MACROD2: variants seen among roughly 807,000 people sequenced by gnomAD.
MACROD2 encodes the protein ADP-ribose glycohydrolase MACROD2.
Under a neutral mutation model 70.4 loss-of-function variants are expected in MACROD2, and 36 were observed. The observed-to-expected ratio is 0.51, with a 90% CI of 0.39 to 0.68. MACROD2 has a LOEUF of 0.68. Ranked by LOEUF, MACROD2 falls within the 30% of genes least tolerant of loss-of-function variation. The pLI, the probability that MACROD2 is intolerant of heterozygous loss-of-function variation, is 0.00. For synonymous variants in MACROD2, 172 were observed against 178.8 expected (o/e 0.96, Z 0.30); for missense variants, 496 against 538.4 (o/e 0.92, Z 0.78).
At chr20:14,417,239 A>G (rs1279599063) in intron 3 of MACROD2, among the ~76,000 whole-genome samples, 3 of 152,166 alleles carry the variant, frequency 2.0e-5, no homozygotes, top group African/African-American at 7.2e-5. Flanking sequence ...ATTGTTTTTG[A>G]GGAAATGTAC....
chr20:15,449,959 C>G (rs2046618619), intron 7 of MACROD2, among the ~76,000 whole-genome samples: 1 of 152,322 alleles, frequency 6.6e-6, no homozygotes, highest in South Asian at 2.1e-4. Context: ...TGCGCCACTG[C>G]ACTCCAACCT....
chr20:15,111,192 C>G (rs1419004035), intron 5 of MACROD2, among the ~76,000 whole-genome samples: 1 of 100,168 alleles, frequency 1.0e-5, no homozygotes, highest in Non-Finnish European at 1.9e-5. Context: ...TTTTTTTTTG[C>G]GACGGAGTCT....
intron 5 of MACROD2, among the ~76,000 whole-genome samples, chr20:15,072,996 T>C (rs1399687769): frequency 6.6e-6 from 1 of 152,162 alleles, no homozygotes; most frequent in East Asian, 1.9e-4. Context: ...TCATCTTCTC[T>C]TGCATACTCT....
intron 8 of MACROD2, among the ~76,000 whole-genome samples, chr20:15,531,235 T>TTA: frequency 6.6e-6 from 1 of 151,792 alleles, no homozygotes; most frequent in Non-Finnish European, 1.5e-5. Context: ...TAAATCCCAT[T>TTA]GTATTTTACT....
chr20:15,809,163 C>G (rs2063795415), intron 8 of MACROD2, among the ~76,000 whole-genome samples: 1 of 152,084 alleles, frequency 6.6e-6, no homozygotes. Flanking sequence ...CTTTTAAAAT[C>G]CCAAAGTAGA....
In MACROD2 at chr20:15,367,174, C is replaced by T. The variant is rs553770009; in HGVS notation, c.541-64231C>T. Reference sequence around the variant, plus strand: ...TCCTGGGTAGCTGGGACTACAAGCACGTGCCACCATGCCCGGCTAATTTTT... The same window carrying T: ...TCCTGGGTAGCTGGGACTACAAGCATGTGCCACCATGCCCGGCTAATTTTT... On this transcript the variant is annotated intron_variant, in intron 6 of 17. Coordinates refer to ENST00000684519, the MANE Select transcript of MACROD2 (RefSeq NM_001351661.2). 1.4e-4 allele frequency among the ~76,000 whole-genome samples: 21 copies of T among 151,806 alleles called. No homozygotes were observed. In the East Asian group the frequency reaches 2.7e-3, roughly 20 times the overall value.
intron 6 of MACROD2, among the ~76,000 whole-genome samples, chr20:15,263,433 C>T (rs998564995): frequency 7.2e-5 from 11 of 151,970 alleles, no homozygotes; most frequent in African/African-American, 2.2e-4. Context: ...GTTACTATAG[C>T]TCTGTAGCAT....
intron 5 of MACROD2, among the ~76,000 whole-genome samples, chr20:14,702,676 C>CAT (rs1446591154): frequency 5.8e-5 from 4 of 68,496 alleles, no homozygotes; most frequent in East Asian, 6.2e-4. Context: ...TATATATATA[C>CAT]ACATATATGT....
chr20:14,621,368 TACTC>T (rs1983815091), intron 4 of MACROD2, among the ~76,000 whole-genome samples: 1 of 151,984 alleles, frequency 6.6e-6, no homozygotes, highest in African/African-American at 2.4e-5. Context: ...CTGGAGAAAA[TACTC>T]AGTAGCTAGG....
Position 15,567,375 on chromosome 20 carries a change from C to T in MACROD2, c.645+67528C>T, listed in dbSNP as rs577772435. ...GTGTTTATGTCAGGCAAATGTGCTCCAGGAGGCTGGGATAAAGCCACGGAT... is the reference window on the plus strand; with the variant it reads ...GTGTTTATGTCAGGCAAATGTGCTCTAGGAGGCTGGGATAAAGCCACGGAT... On this transcript the variant is annotated intron_variant, in intron 8 of 17. Coordinates refer to ENST00000684519, the MANE Select transcript of MACROD2 (RefSeq NM_001351661.2). Among the ~76,000 whole-genome samples, 6 of 152,308 alleles carry T rather than the reference C, an allele frequency of 3.9e-5. No individual in the cohort carries two copies. In the South Asian group the frequency reaches 1.0e-3, roughly 26 times the overall value.
intron 3 of MACROD2, chr20:14,128,052 C>T: frequency 1.8e-6 from 1 of 562,634 alleles, no homozygotes; most frequent in South Asian, 1.4e-5. Flanking sequence ...ACTTTGTAAC[C>T]TGAAACCTAC....
rs531653990 is a variant in MACROD2 at position 14,736,707 on chromosome 20, A to T, written c.418+51748A>T. ...ATGACGACTCTCTGAAATAATCTTC[A>T]TATTTTTATTTTAATATGAGAAAAC... is the stretch of plus-strand genomic sequence containing the variant. On this transcript the variant is annotated intron_variant, in intron 5 of 17. Transcript: ENST00000684519. Among the ~76,000 whole-genome samples the T allele has an allele frequency of 4.6e-5, 7 of 152,242 alleles. No individual in the cohort carries two copies. The East Asian group carries it at 1.2e-3, about 25-fold the overall frequency.
At chr20:15,840,873 C>A (rs1444651393) in intron 8 of MACROD2, among the ~76,000 whole-genome samples, 1 of 152,132 alleles carries the variant, frequency 6.6e-6, no homozygotes, top group East Asian at 1.9e-4. Context: ...TAGTAAGAAT[C>A]CCCGCGCACT....
At chr20:14,017,595 T>G (rs1388129930) in intron 2 of MACROD2, among the ~76,000 whole-genome samples, 1 of 152,132 alleles carries the variant, frequency 6.6e-6, no homozygotes, top group Non-Finnish European at 1.5e-5. Context: ...CATCCTTCAT[T>G]CTTCATGTTG....
chr20:15,814,638 T>A (rs950980767), intron 8 of MACROD2, among the ~76,000 whole-genome samples: 3 of 152,216 alleles, frequency 2.0e-5, no homozygotes, highest in Non-Finnish European at 2.9e-5. Flanking sequence ...ATAAGATAAC[T>A]ACTATTTCTG....
intron 5 of MACROD2, among the ~76,000 whole-genome samples, chr20:14,732,888 C>T (rs1412949042): frequency 6.6e-6 from 1 of 152,110 alleles, no homozygotes; most frequent in Non-Finnish European, 1.5e-5. Context: ...GCTTAACTCC[C>T]TCTTTGAAGA....
At chr20:15,868,828 G>A (rs75436200) in intron 9 of MACROD2, among the ~76,000 whole-genome samples, 13 of 151,936 alleles carry the variant, frequency 8.6e-5, no homozygotes, top group Non-Finnish European at 1.6e-4. Flanking sequence ...AGACTGGAGC[G>A]CAGTAACGCA....
In MACROD2 at chr20:14,113,601, C is replaced by G. The variant is rs560693406; in HGVS notation, c.271+27873C>G. Among the ~76,000 whole-genome samples the G allele has an allele frequency of 2.0e-5, 3 of 152,130 alleles. No homozygotes were observed. In the South Asian group the frequency reaches 6.2e-4, roughly 32 times the overall value. On this transcript the variant is annotated intron_variant, in intron 3 of 17. Transcript: ENST00000684519. ...GGATGAATTCCAGTTCAAAATGGAT[C>G]TGACAGCTTATCAGGCAATTTCACT...
chr20:14,258,124 C>T (rs1307273138), intron 3 of MACROD2, among the ~76,000 whole-genome samples: 4 of 152,060 alleles, frequency 2.6e-5, no homozygotes, highest in African/African-American at 9.7e-5. Context: ...TTTTCTTTAT[C>T]CACTCATTGG....
Sources: gnomAD v4.1 joint callset for allele counts (sites outside exome capture counted in the v4.1 genomes callset) on GRCh38, gnomAD v4.1.1 for gene constraint, MANE v1.5 for transcripts, NCBI Gene and HGNC (gene_info 2026-07-23, HGNC 2026-07-21) for gene names.